Variants in CALN1 observed in about 807,000 individuals in gnomAD.
CALN1 encodes the protein calneuron 1.
CALN1 carries 17 observed loss-of-function variants against 30.6 expected under a neutral mutation model. The ratio of observed to expected loss-of-function variants is 0.56; its 90% CI spans 0.38 to 0.83. The LOEUF is 0.83. CALN1 is among the 40% of genes least tolerant of loss of function. The pLI is 0.00. For synonymous variants in CALN1, 156 were observed against 131.4 expected (o/e 1.19, Z -1.28); for missense variants, 291 against 354.9 (o/e 0.82, Z 1.45).
intron 2 of CALN1, among the ~76,000 whole-genome samples, chr7:72,282,021 GA>G (rs1242694185): frequency 6.6e-6 from 1 of 152,198 alleles, no homozygotes; most frequent in East Asian, 1.9e-4. Flanking sequence ...GTCTAGTGGG[GA>G]AGAAACCATG....
At chr7:72,081,421 G>GTGTGTGTGTGTGTGTGTGTGTGTGTC (rs908647589) in intron 4 of CALN1, among the ~76,000 whole-genome samples, 1 of 151,792 alleles carries the variant, frequency 6.6e-6, no homozygotes, top group Admixed American at 6.6e-5. Flanking sequence ...GTGTGTGTGT[G>GTGTGTGTGTGTGTGTGTGTGTGTGTC]TGTTTGTTTT....
At chr7:72,394,054 G>A (rs1030588877) in intron 2 of CALN1, among the ~76,000 whole-genome samples, 3 of 152,200 alleles carry the variant, frequency 2.0e-5, no homozygotes, top group African/African-American at 7.2e-5. Context: ...TCTCCAAGAA[G>A]ATGAAAAAGT....
In CALN1 at chr7:72,214,696, C is replaced by T. The variant is rs540269944; in HGVS notation, c.244+63990G>A. Among the ~76,000 whole-genome samples, 5 of 152,050 alleles carry T rather than the reference C, an allele frequency of 3.3e-5. No individual in the cohort carries two copies. The South Asian group carries it at 8.3e-4, about 25-fold the overall frequency. ...CAGTGACCTATTAGGAGCCGAGCCG[C>T]ACAGCAGGAGGTGAGTGAGGGGTGC... On this transcript the variant is annotated intron_variant, in intron 3 of 6. Coordinates refer to ENST00000395275, the MANE Select transcript of CALN1 (RefSeq NM_031468.4).
intron 4 of CALN1, among the ~76,000 whole-genome samples, chr7:72,077,978 A>G (rs1804864643): frequency 6.6e-6 from 1 of 152,200 alleles, no homozygotes; most frequent in Non-Finnish European, 1.5e-5. Flanking sequence ...GCTTCTAGAC[A>G]GTTTCCAAAA....
intron 4 of CALN1, among the ~76,000 whole-genome samples, chr7:72,074,153 TCAGA>T (rs796582199): frequency 8.5e-5 from 13 of 152,250 alleles, no homozygotes; most frequent in African/African-American, 2.9e-4. Flanking sequence ...TCTTTCTAGA[TCAGA>T]CAGTCAAAAC....
chr7:72,352,167 AAAAC>A (rs72441588), intron 2 of CALN1, among the ~76,000 whole-genome samples: 12 of 151,108 alleles, frequency 7.9e-5, no homozygotes, highest in East Asian at 2.0e-4. Context: ...ACTCCGTCTC[AAAAC>A]AAACAAACAA....
chr7:72,459,904 A>G, the CALN1 span, among the ~76,000 whole-genome samples: 7 of 152,160 alleles, frequency 4.6e-5, no homozygotes, highest in African/African-American at 1.7e-4. Flanking sequence ...CTGTTAATAT[A>G]AAGGCATACT....
intron 2 of CALN1, among the ~76,000 whole-genome samples, chr7:72,392,357 G>A (rs1188274609): frequency 1.3e-5 from 2 of 152,170 alleles, no homozygotes; most frequent in African/African-American, 4.8e-5. Context: ...CCCCGAGTTT[G>A]GGGCGGTTTA....
chr7:72,048,486 G>A (rs1802624980), intron 4 of CALN1, among the ~76,000 whole-genome samples: 2 of 152,176 alleles, frequency 1.3e-5, no homozygotes, highest in South Asian at 2.1e-4. Flanking sequence ...AGGGCAGAAA[G>A]AGAAGCCATT....
At chr7:71,844,000 T>G (rs1562831451) in intron 5 of CALN1, among the ~76,000 whole-genome samples, 1 of 152,018 alleles carries the variant, frequency 6.6e-6, no homozygotes, top group Admixed American at 6.6e-5. Flanking sequence ...TCTCGGTGAC[T>G]TTTTGGTTGA....
rs1335966571 is a variant in CALN1 at position 71,818,713 on chromosome 7, TTTATTTA to T, written c.502-8228_502-8222del. On this transcript the variant is annotated intron_variant, in intron 5 of 6. Coordinates refer to ENST00000395275, the MANE Select transcript of CALN1 (RefSeq NM_031468.4). Reference sequence around the variant, plus strand: ...ATTTATTTATTTATTTATTTATTTATTTATTTATTTTTTTGAGCTGGAGTCTCACTCT... The same window carrying T: ...ATTTATTTATTTATTTATTTATTTATTTTTTTTGAGCTGGAGTCTCACTCT... 5.7e-4 allele frequency among the ~76,000 whole-genome samples: 85 copies of T among 149,176 alleles called. 1 individual carries two copies. Among genetic ancestry groups the T allele is most frequent in the African/African-American group, 1.9e-3 (78 of 40,112 alleles).
chr7:71,966,018 C>G (rs1471556285), intron 5 of CALN1, among the ~76,000 whole-genome samples: 1 of 148,644 alleles, frequency 6.7e-6, no homozygotes, highest in African/African-American at 2.5e-5. Flanking sequence ...ATCTTGCATT[C>G]AATCTACACA....
At chr7:71,885,161 CT>C (rs963193767) in intron 5 of CALN1, among the ~76,000 whole-genome samples, 4 of 151,852 alleles carry the variant, frequency 2.6e-5, no homozygotes, top group African/African-American at 9.7e-5. Context: ...TTTCTTTTTT[CT>C]TTTTTTTGAG....
At chr7:72,176,811 G>A (rs540450005) in intron 3 of CALN1, among the ~76,000 whole-genome samples, 72 of 152,130 alleles carry the variant, frequency 4.7e-4, no homozygotes, top group Non-Finnish European at 9.4e-4. Context: ...ATGTCAGGAT[G>A]GAAATGAAGA....
chr7:71,962,690 C>T (rs1207115483), intron 5 of CALN1, among the ~76,000 whole-genome samples: 1 of 152,142 alleles, frequency 6.6e-6, no homozygotes, highest in Non-Finnish European at 1.5e-5. Context: ...CTTTGGGTGC[C>T]GTGAGGAGAA....
intron 3 of CALN1, among the ~76,000 whole-genome samples, chr7:72,162,682 T>C (rs1386279487): frequency 6.6e-6 from 1 of 152,110 alleles, no homozygotes; most frequent in Non-Finnish European, 1.5e-5. Flanking sequence ...GAGATTGCAG[T>C]GAGCCAAGAT....
intron 3 of CALN1, among the ~76,000 whole-genome samples, chr7:72,216,010 C>T (rs1470768069): frequency 1.3e-5 from 2 of 152,154 alleles, no homozygotes; most frequent in Non-Finnish European, 2.9e-5. Flanking sequence ...CCAGGCCATT[C>T]AATTTCACAG....
At position 72,081,417 on chromosome 7, in the gene CALN1, G is replaced by GTGTGTGTGTGTGTC. The variant is rs145997789; in HGVS notation, c.388+24733_388+24734insGACACACACACACA. Among the ~76,000 whole-genome samples the GTGTGTGTGTGTGTC allele has an allele frequency of 1.2e-3, 175 of 146,290 alleles. 1 individual carries two copies. Among genetic ancestry groups the GTGTGTGTGTGTGTC allele is most frequent in the African/African-American group, 2.3e-3 (92 of 39,548 alleles). On this transcript the variant is annotated intron_variant, in intron 4 of 6. Transcript: ENST00000395275. Reference sequence around the variant, plus strand: ...ATGCAAAATCATAGGGTGTGTGTGTGTGTGTGTTTGTTTTTGGTGTGTGTG... The same window carrying GTGTGTGTGTGTGTC: ...ATGCAAAATCATAGGGTGTGTGTGTGTGTGTGTGTGTGTCTGTGTGTTTGTTTTTGGTGTGTGTG...
intron 5 of CALN1, among the ~76,000 whole-genome samples, chr7:72,003,115 A>G (rs1396629908): frequency 1.3e-5 from 2 of 152,202 alleles, no homozygotes; most frequent in African/African-American, 2.4e-5. Context: ...ATGTATACAG[A>G]TATCAAAACA....
Sources: gnomAD v4.1 joint callset for allele counts (sites outside exome capture counted in the v4.1 genomes callset) on GRCh38, gnomAD v4.1.1 for gene constraint, MANE v1.5 for transcripts, NCBI Gene and HGNC (gene_info 2026-07-23, HGNC 2026-07-21) for gene names.